OOSP4A: variants seen among roughly 807,000 people sequenced by gnomAD.
The protein encoded by OOSP4A is oocyte secreted protein family member 4A.
At position 59,967,175 on chromosome 11, in the gene OOSP4A, T is replaced by G; in HGVS notation, c.344+11T>G. The G allele has an allele frequency of 5.0e-6, 2 of 398,098 alleles. No individual in the cohort carries two copies. The highest frequency in any genetic ancestry group is 8.9e-6 in the Non-Finnish European group (2 of 225,762). The allele number at this position is 398,098 out of a possible 1,614,324, so 24.7% of individuals were successfully genotyped here. On this transcript the variant is annotated intron_variant, in intron 3 of 4. Coordinates refer to ENST00000645590, the Ensembl canonical transcript of OOSP4A. The stretch of plus-strand genomic sequence containing the variant: ...ATGCTATGTGCAAAGGTAAGTGCAG[T>G]GCACTACTGAGATTAAGGCTATCTA...
chr11:59,969,217 G>T (rs574338835), exon 4 of OOSP4A: 1 of 398,880 alleles, frequency 2.5e-6, no homozygotes, highest in Non-Finnish European at 4.4e-6. Context: ...CAGAAGGTCA[G>T]TGGGACAGCA....
chr11:59,967,378 G>C (rs536206805), intron 3 of OOSP4A, among the ~76,000 whole-genome samples: 1 of 152,228 alleles, frequency 6.6e-6, no homozygotes, highest in African/African-American at 2.4e-5. Flanking sequence ...TGTTATATGA[G>C]AATTGAATTC....
At chr11:59,965,703 T>C (rs1854091782) in exon 2 of OOSP4A, 3 of 398,378 alleles carry the variant, frequency 7.5e-6, no homozygotes, top group Admixed American at 4.4e-5. Flanking sequence ...TTTTGTGGCA[T>C]CAGAGTGAGC....
intron 4 of OOSP4A, among the ~76,000 whole-genome samples, 199 bp from the exon 5 acceptor site, chr11:59,969,850 T>C (rs1854137464): frequency 2.0e-5 from 3 of 152,206 alleles, no homozygotes; most frequent in Admixed American, 2.0e-4. Context: ...TAGCTACATA[T>C]ACACATAATA....
chr11:59,969,110 A>G lies in OOSP4A; in HGVS notation c.345-40A>G, dbSNP rs1854131840. The G allele has an allele frequency of 7.5e-6, 3 of 398,008 alleles. No individual in the cohort carries two copies. In the Admixed American group the frequency reaches 1.3e-4, roughly 18 times the overall value. The allele number at this position is 398,008 out of a possible 1,614,324, so 24.7% of individuals were successfully genotyped here. ...CTTTTTCTCCACCTCCAAAAGCATA[A>G]TATATACAAAGCTTAAATATATTTT... On this transcript the variant is annotated intron_variant, in intron 3 of 4. Coordinates refer to ENST00000645590, the Ensembl canonical transcript of OOSP4A.
In OOSP4A at chr11:59,966,781, T is replaced by C. The variant is rs1854103644; in HGVS notation, c.247-286T>C. 1.3e-5 allele frequency among the ~76,000 whole-genome samples: 2 copies of C among 152,062 alleles called. 1 individual carries two copies. The highest frequency in any genetic ancestry group is 4.1e-4 in the South Asian group (2 of 4,824). Reference sequence around the variant, plus strand: ...GAGCCAACGTGCCTGGCCCAGACCTTGACTGTTAAACAAATGTGGTGATCA... The same window carrying C: ...GAGCCAACGTGCCTGGCCCAGACCTCGACTGTTAAACAAATGTGGTGATCA... On this transcript the variant is annotated intron_variant, in intron 2 of 4. Coordinates refer to ENST00000645590, the Ensembl canonical transcript of OOSP4A.
At chr11:59,970,017 A>C (rs1331471365) in intron 4 of OOSP4A, 32 bp from the exon 5 acceptor site, 1 of 397,762 alleles carries the variant, frequency 2.5e-6, no homozygotes, top group African/African-American at 2.1e-5. Flanking sequence ...CATCAGTACA[A>C]CAATGTAACT....
intron 2 of OOSP4A, among the ~76,000 whole-genome samples, chr11:59,966,239 A>G (rs1163502000): frequency 6.7e-6 from 1 of 149,248 alleles, no homozygotes; most frequent in Non-Finnish European, 1.5e-5. Context: ...CATTTTTGGT[A>G]TCACATCTAT....
chr11:59,966,078 A>G (rs1823516479), intron 2 of OOSP4A, among the ~76,000 whole-genome samples: 1 of 152,026 alleles, frequency 6.6e-6, no homozygotes, highest in Admixed American at 6.6e-5. Context: ...CTTGTTGTTG[A>G]CCTAAAATTT....
intron 4 of OOSP4A, among the ~76,000 whole-genome samples, chr11:59,969,813 A>G (rs1854137219): frequency 6.6e-6 from 1 of 152,160 alleles, no homozygotes; most frequent in South Asian, 2.1e-4. Flanking sequence ...AAAATTTATA[A>G]TCATTTACTA....
chr11:59,969,133 T>A lies in OOSP4A; in HGVS notation c.345-17T>A, dbSNP rs530393500. 5.0e-6 allele frequency: 2 copies of A among 397,868 alleles called. No individual in the cohort carries two copies. The highest frequency in any genetic ancestry group is 7.1e-5 in the East Asian group (2 of 28,050). 24.6% of individuals were successfully genotyped at this position (397,868 alleles called of 1,614,324 possible). A position where few individuals can be genotyped will look rare whatever the true frequency, so the allele number is the denominator to read the frequency against. On this transcript the variant is annotated splice_polypyrimidine_tract_variant and intron_variant, in intron 3 of 4. Coordinates refer to ENST00000645590, the Ensembl canonical transcript of OOSP4A. ...TAATATATACAAAGCTTAAATATAT[T>A]TTTTTCTCTTTTTCAGAAGGTTTCC...
At chr11:59,967,076 G>C (rs1470469107) in exon 3 of OOSP4A, 1 of 398,016 alleles carries the variant, frequency 2.5e-6, no homozygotes, top group Non-Finnish European at 4.4e-6. Flanking sequence ...GGAACATGGA[G>C]TAGGTATTCT....
At chr11:59,968,665 A>C (rs772638813) in intron 3 of OOSP4A, among the ~76,000 whole-genome samples, 48 of 152,304 alleles carry the variant, frequency 3.2e-4, no homozygotes, top group Middle Eastern at 6.8e-3. Flanking sequence ...GATAGTTGGG[A>C]GTAAAATGTC....
intron 3 of OOSP4A, among the ~76,000 whole-genome samples, chr11:59,968,582 G>A (rs549879737): frequency 6.6e-6 from 1 of 152,310 alleles, no homozygotes; most frequent in Admixed American, 6.5e-5. Context: ...TACAGTTCAT[G>A]GTGGGAGAAT....
At chr11:59,965,713 C>T (rs143774279) in exon 2 of OOSP4A, 7,341 of 398,334 alleles carry the variant, frequency 0.018, 81 homozygotes, top group South Asian at 0.024. Context: ...TCAGAGTGAG[C>T]GTAAGAGCAG....
intron 2 of OOSP4A, among the ~76,000 whole-genome samples, chr11:59,966,284 T>G (rs1241854041): frequency 6.6e-6 from 1 of 152,038 alleles, no homozygotes; most frequent in Non-Finnish European, 1.5e-5. Context: ...ACTGATTCTA[T>G]TTTTGGATCC....
intron 4 of OOSP4A, 73 bp downstream of exon 4, chr11:59,969,357 G>C (rs903348194): frequency 2.5e-6 from 1 of 397,164 alleles, no homozygotes; most frequent in Non-Finnish European, 4.4e-6. Flanking sequence ...GTTTAGTAAG[G>C]TGGTGGCATA....
Position 59,969,085 on chromosome 11 carries a change from C to A in OOSP4A, c.345-65C>A, listed in dbSNP as rs141803202. ...AATTTAGTTTTTCTCCACATTTCAA[C>A]TTTTTCTCCACCTCCAAAAGCATAA... On this transcript the variant is annotated intron_variant, in intron 3 of 4. Transcript: ENST00000645590. 8.9e-4 allele frequency: 353 copies of A among 397,122 alleles called. 3 individuals are homozygous for A. The East Asian group carries it at 0.01, about 12-fold the overall frequency. The allele number at this position is 397,122 out of a possible 1,614,324, so 24.6% of individuals were successfully genotyped here. A position where few individuals can be genotyped will look rare whatever the true frequency, so the allele number is the denominator to read the frequency against.
chr11:59,968,159 A>G (rs1300515788), intron 3 of OOSP4A, among the ~76,000 whole-genome samples: 1 of 152,214 alleles, frequency 6.6e-6, no homozygotes, highest in East Asian at 1.9e-4. Context: ...TGCTGCTTTT[A>G]TCTTCATGTT....
Sources: allele counts gnomAD v4.1 joint callset (sites outside exome capture counted in the v4.1 genomes callset), GRCh38; gene constraint gnomAD v4.1.1; transcripts MANE v1.5; gene names NCBI Gene and HGNC (gene_info 2026-07-23, HGNC 2026-07-21).